The following ACSM3 variants were observed in gnomAD, a reference collection of about 807,000 sequenced individuals.
ACSM3 encodes the protein acyl-coenzyme A synthetase ACSM3, mitochondrial.
A neutral mutation model predicts 74.1 loss-of-function variants in ACSM3; 61 were observed. The ratio of observed to expected loss-of-function variants is 0.82; its 90% CI spans 0.67 to 1.02. ACSM3 has a LOEUF of 1.02. ACSM3 is among the 50% of genes least tolerant of loss of function. The pLI is 0.00. For synonymous variants in ACSM3, 213 were observed against 241.5 expected (o/e 0.88, Z 1.09); for missense variants, 660 against 697.0 (o/e 0.95, Z 0.60).
At chr16:20,699,752 G>A (rs2079708318) in intron 1 of ACSM3, among the ~76,000 whole-genome samples, 3 of 152,174 alleles carry the variant, frequency 2.0e-5, no homozygotes, top group African/African-American at 7.2e-5. Flanking sequence ...CTGGCACCAG[G>A]CAGCCTGGGC....
chr16:20,788,092 TTTTATTTA>T (rs536487835), intron 9 of ACSM3, among the ~76,000 whole-genome samples: 2 of 152,172 alleles, frequency 1.3e-5, no homozygotes, highest in Non-Finnish European at 2.9e-5. Flanking sequence ...ACATTCCTCT[TTTTATTTA>T]TTTATTTATT....
At chr16:20,742,178 G>C in intron 1 of ACSM3, 1 of 643,174 alleles carries the variant, frequency 1.6e-6, no homozygotes, top group South Asian at 1.9e-5. Context: ...GTCAAGTCCC[G>C]TAACAGGTTG....
At chr16:20,751,330 C>T (rs1000389217) in intron 2 of ACSM3, among the ~76,000 whole-genome samples, 1 of 152,170 alleles carries the variant, frequency 6.6e-6, no homozygotes, top group Non-Finnish European at 1.5e-5. Context: ...TTCTATAAAG[C>T]TTTGTCCTTT....
At chr16:20,675,204 C>T (rs1314264060) in intron 1 of ACSM3, among the ~76,000 whole-genome samples, 1 of 152,024 alleles carries the variant, frequency 6.6e-6, no homozygotes, top group Non-Finnish European at 1.5e-5. Context: ...ACTAGGCTCA[C>T]CCGGGACACG....
chr16:20,703,583 A>T (rs893192911), intron 1 of ACSM3: 6 of 151,968 alleles, frequency 3.9e-5, no homozygotes, highest in Non-Finnish European at 8.8e-5. Context: ...GTTCAGTGGC[A>T]TGATCTCAGC....
At chr16:20,712,718 C>A (rs2079747771) in intron 1 of ACSM3, among the ~76,000 whole-genome samples, 1 of 150,768 alleles carries the variant, frequency 6.6e-6, no homozygotes, top group Admixed American at 6.6e-5. Flanking sequence ...CCAGCCTGGC[C>A]AACATGGTGA....
intron 1 of ACSM3, chr16:20,735,056 T>A (rs763958909): frequency 1.3e-5 from 2 of 152,232 alleles, no homozygotes; most frequent in South Asian, 2.1e-4. Flanking sequence ...ATTTCAAGAA[T>A]TCCTCTGGCA....
At chr16:20,758,361 C>T (rs191224609) in intron 3 of ACSM3, among the ~76,000 whole-genome samples, 11 of 152,226 alleles carry the variant, frequency 7.2e-5, no homozygotes, top group South Asian at 2.1e-4. Flanking sequence ...GTTTAGCCTT[C>T]GGAGAGTGTA....
chr16:20,718,024 A>AAGG (rs2079771634), intron 1 of ACSM3, among the ~76,000 whole-genome samples: 2 of 149,192 alleles, frequency 1.3e-5, no homozygotes, highest in Middle Eastern at 3.5e-3. Flanking sequence ...GAAGAAGAAG[A>AAGG]AGAAAAGAAA....
In ACSM3 at chr16:20,777,455, T is replaced by A; in HGVS notation, c.513T>A (p.Ile171=). ...TACAATCTTCAAAAGCAAACTGCAT[T>A]ATCACCAATGATGTTTTAGCCCCAG... ...YRLQSSKANC[I]ITNDVLAPAV... Residue 171 remains isoleucine, a synonymous_variant, in exon 4 of 14, where the codon ATT becomes ATA. Transcript: ENST00000289416. 6.2e-7 allele frequency: 1 copy of A among 1,614,066 alleles called. No homozygotes were observed. Among genetic ancestry groups the A allele is most frequent in the Non-Finnish European group, 8.5e-7 (1 of 1,179,960 alleles).
intron 1 of ACSM3, among the ~76,000 whole-genome samples, chr16:20,707,373 G>A (rs1238140550): frequency 1.3e-5 from 2 of 152,184 alleles, no homozygotes; most frequent in Admixed American, 6.5e-5. Context: ...CCTCTCAGCT[G>A]CAGACTGGAG....
intron 1 of ACSM3, among the ~76,000 whole-genome samples, chr16:20,678,768 T>A (rs2079370493): frequency 6.6e-6 from 1 of 152,206 alleles, no homozygotes; most frequent in Non-Finnish European, 1.5e-5. Flanking sequence ...GCGAAGAGCA[T>A]GAACCAGACA....
chr16:20,786,235 A>C (rs763195272), intron 9 of ACSM3, 77 bp downstream of exon 9: 2 of 1,522,324 alleles, frequency 1.3e-6, no homozygotes, highest in South Asian at 2.5e-5. Flanking sequence ...CCCCCATATA[A>C]ACTTTCTTTG....
intron 3 of ACSM3, among the ~76,000 whole-genome samples, chr16:20,758,734 T>C (rs1397983356): frequency 4.6e-5 from 7 of 151,070 alleles, no homozygotes; most frequent in Non-Finnish European, 8.9e-5. Flanking sequence ...GGTGTCAATT[T>C]TGGATCTTTC....
chr16:20,693,026 C>A (rs1413844885), intron 1 of ACSM3, among the ~76,000 whole-genome samples: 2 of 151,944 alleles, frequency 1.3e-5, no homozygotes, highest in African/African-American at 4.8e-5. Flanking sequence ...AAAAATTAGC[C>A]AGGCATGGAA....
At position 20,790,919 on chromosome 16, in the gene ACSM3, A is replaced by T; in HGVS notation, c.1326+231A>T. 1 of 1,614,038 alleles carries T rather than the reference A, an allele frequency of 6.2e-7. No individual in the cohort carries two copies. Among genetic ancestry groups the T allele is most frequent in the Non-Finnish European group, 8.5e-7 (1 of 1,179,948 alleles). On this transcript the variant is annotated intron_variant, in intron 10 of 13. Transcript: ENST00000289416. The surrounding 1 kb of genome is among the most constrained non-coding windows in gnomAD (Gnocchi z 4.0). ...ATCACTGTTCCAGGTCCACGAAGGC[A>T]AGAGGAAGGGACCCTAGAAAGAGGA...
At chr16:20,711,424 C>T in intron 1 of ACSM3, 1 of 784,282 alleles carries the variant, frequency 1.3e-6, no homozygotes, top group Non-Finnish European at 2.0e-6. Flanking sequence ...TTCCACCGTC[C>T]ACAGAGTCTC....
exon 1 of ACSM3, chr16:20,674,753 C>G (rs1026476487): frequency 6.6e-6 from 1 of 152,340 alleles, no homozygotes; most frequent in African/African-American, 2.4e-5. Flanking sequence ...GCTCTCCCCG[C>G]ATCCTGCCCA....
chr16:20,729,380 A>G, intron 1 of ACSM3: 1 of 1,299,260 alleles, frequency 7.7e-7, no homozygotes, highest in Non-Finnish European at 1.1e-6. Context: ...GCCACTCTTA[A>G]GAGGCAAGGA....
Sources: allele counts gnomAD v4.1 joint callset (sites outside exome capture counted in the v4.1 genomes callset), GRCh38; gene constraint gnomAD v4.1.1; non-coding constraint Gnocchi (gnomAD v3.1); transcripts MANE v1.5; gene names NCBI Gene and HGNC (gene_info 2026-07-23, HGNC 2026-07-21).